SMAGP: variants seen among roughly 807,000 people sequenced by gnomAD.
SMAGP encodes small cell adhesion glycoprotein.
Under a neutral mutation model 10.1 loss-of-function variants are expected in SMAGP, and 7 were observed. The observed-to-expected ratio is 0.70, with a 90% CI of 0.40 to 1.31. The LOEUF is 1.31. Among genes scored for constraint, SMAGP ranks in the 50% most tolerant of loss-of-function variants. The pLI is 0.01. For synonymous variants in SMAGP, 49 were observed against 47.2 expected, an observed-to-expected ratio of 1.04 and a Z score of -0.16; for missense variants, 113 against 116.5, an observed-to-expected ratio of 0.97 and a Z score of 0.14.
intron 2 of SMAGP, among the ~76,000 whole-genome samples, chr12:51,260,364 TTTTTTGTTGTTGTTGTTG>T (rs1944921537): frequency 1.3e-5 from 2 of 150,814 alleles, no homozygotes; most frequent in Non-Finnish European, 3.0e-5. Context: ...GCTGATTGTT[TTTTTTGTTGTTGTTGTTG>T]TTGTTGTTTT....
chr12:51,261,700 A>G (rs1043780151), intron 2 of SMAGP, among the ~76,000 whole-genome samples: 10 of 152,318 alleles, frequency 6.6e-5, no homozygotes, highest in Admixed American at 5.9e-4. Context: ...ATTTTTATAA[A>G]TGGAAAGTGT....
At chr12:51,269,468 A>C (rs1304222627) in intron 1 of SMAGP, 152 bp from the exon 2 acceptor site, 8 of 614,180 alleles carry the variant, frequency 1.3e-5, no homozygotes, top group Non-Finnish European at 2.3e-5. Flanking sequence ...ATATCTCCTC[A>C]GGCTCCAGGT....
At position 51,246,756 on chromosome 12, in the gene SMAGP, A is replaced by G. The variant is rs1021802210; in HGVS notation, c.110T>C (p.Ile37Thr). The G allele has an allele frequency of 7.0e-6, 11 of 1,581,644 alleles. No individual in the cohort carries two copies. The highest frequency in any genetic ancestry group is 2.3e-5 in the East Asian group (1 of 43,506). The change falls in exon 3 of 4, where the codon ATT (isoleucine) becomes ACT (threonine). Residue 37 changes from isoleucine to threonine, a missense_variant. By Grantham distance (89) the Ile-to-Thr change is moderately conservative. Transcript: ENST00000603798. Reference sequence around the variant, plus strand: ...GTTGGCTCAGAGTCTATTACCTGCAATGAGTGCTGTGCTGGCTCCATCTTC... The same window carrying G: ...GTTGGCTCAGAGTCTATTACCTGCAGTGAGTGCTGTGCTGGCTCCATCTTC... ...SPEDGASTAL[I>T]AVVITVVFLT...
At chr12:51,253,885 G>A (rs750805411) in intron 2 of SMAGP, among the ~76,000 whole-genome samples, 8 of 152,114 alleles carry the variant, frequency 5.3e-5, no homozygotes, top group Non-Finnish European at 1.0e-4. Flanking sequence ...CAGCCCAGGC[G>A]AAAGAGCGAG....
chr12:51,246,843 A>G lies in SMAGP; in HGVS notation c.35-12T>C, dbSNP rs1565656129. The G allele has an allele frequency of 6.5e-7, 1 of 1,546,468 alleles. No individual in the cohort carries two copies. The highest frequency in any genetic ancestry group is 1.4e-5 in the African/African-American group (1 of 73,016). On this transcript the variant is annotated splice_polypyrimidine_tract_variant and intron_variant, in intron 2 of 3. Coordinates refer to ENST00000603798, the MANE Select transcript of SMAGP (RefSeq NM_001031628.2). Reference sequence around the variant, plus strand: ...GGTCATCAGTTCTTCTGGAAAATGTAGAAAAGTGGAAAAGGAAATGGAGTG... The same window carrying G: ...GGTCATCAGTTCTTCTGGAAAATGTGGAAAAGTGGAAAAGGAAATGGAGTG...
At chr12:51,259,232 T>C (rs756823788) in intron 2 of SMAGP, among the ~76,000 whole-genome samples, 11 of 152,172 alleles carry the variant, frequency 7.2e-5, no homozygotes, top group Non-Finnish European at 1.5e-4. Context: ...CTGAGCTGAA[T>C]GCCCTTGGGG....
intron 2 of SMAGP, among the ~76,000 whole-genome samples, chr12:51,267,434 C>T (rs1944984212): frequency 6.6e-6 from 1 of 151,918 alleles, no homozygotes; most frequent in African/African-American, 2.4e-5. Context: ...GATCCCCTTC[C>T]TCACCCACCC....
chr12:51,269,386 A>T, intron 1 of SMAGP, 70 bp from the exon 2 acceptor site: 1 of 1,289,232 alleles, frequency 7.8e-7, no homozygotes, highest in Non-Finnish European at 1.1e-6. Context: ...TGGAAGTCCC[A>T]GGAAAGCCTC....
At chr12:51,253,768 T>C (rs768325347) in intron 2 of SMAGP, among the ~76,000 whole-genome samples, 1 of 152,106 alleles carries the variant, frequency 6.6e-6, no homozygotes, top group Non-Finnish European at 1.5e-5. Flanking sequence ...TAGCCGGACG[T>C]GGTGGCAGGT....
intron 2 of SMAGP, among the ~76,000 whole-genome samples, chr12:51,257,504 C>T (rs1944896314): frequency 6.6e-6 from 1 of 151,268 alleles, no homozygotes; most frequent in Admixed American, 6.6e-5. Flanking sequence ...GGGGCCAGGG[C>T]CAGGAGTTCA....
intron 2 of SMAGP, among the ~76,000 whole-genome samples, chr12:51,268,584 T>TCTCCTCCCTCCTCCC (rs1292354849): frequency 4.5e-5 from 1 of 22,206 alleles, no homozygotes; most frequent in African/African-American, 9.3e-5. Context: ...CTTCCTTTCC[T>TCTCCTCCCTCCTCCC]TTCCTCCCTC....
At chr12:51,256,459 C>T (rs897524683) in intron 2 of SMAGP, among the ~76,000 whole-genome samples, 1 of 152,096 alleles carries the variant, frequency 6.6e-6, no homozygotes, top group Admixed American at 6.6e-5. Context: ...CGGTGGCTCA[C>T]GCCAGTAATC....
rs1220318617 is a variant in SMAGP at position 51,253,256 on chromosome 12, C to T, written c.35-6425G>A. On this transcript the variant is annotated intron_variant, in intron 2 of 3. Transcript: ENST00000603798. ...CAGGTTCCTAGACAGGGAAATTAAA[C>T]AGTTAGTTCAACAAGAATTTACTGA... is the stretch of plus-strand genomic sequence containing the variant. Among the ~76,000 whole-genome samples the T allele has an allele frequency of 2.0e-5, 3 of 152,130 alleles. No individual in the cohort carries two copies. The East Asian group carries it at 5.8e-4, about 29-fold the overall frequency.
chr12:51,269,048 C>T (rs1945002638), intron 2 of SMAGP, among the ~76,000 whole-genome samples, 197 bp downstream of exon 2: 1 of 152,098 alleles, frequency 6.6e-6, no homozygotes, highest in African/African-American at 2.4e-5. Flanking sequence ...GTGAAGTCAC[C>T]ATGTCCATGT....
At chr12:51,254,018 G>A (rs1455735710) in intron 2 of SMAGP, among the ~76,000 whole-genome samples, 1 of 152,194 alleles carries the variant, frequency 6.6e-6, no homozygotes, top group African/African-American at 2.4e-5. Flanking sequence ...GCTGGAGAAG[G>A]GGAAAATGGG....
chr12:51,264,814 C>T (rs1450149907), intron 2 of SMAGP, among the ~76,000 whole-genome samples: 1 of 151,182 alleles, frequency 6.6e-6, no homozygotes, highest in East Asian at 1.9e-4. Flanking sequence ...TGCCTGTAAT[C>T]CCAGCTACTC....
intron 2 of SMAGP, among the ~76,000 whole-genome samples, chr12:51,258,452 T>A (rs181674951): frequency 1.6e-3 from 234 of 150,398 alleles, no homozygotes; most frequent in African/African-American, 5.5e-3. Context: ...TAGCTGGGCA[T>A]GGTGGTGGGC....
chr12:51,246,763 C>G lies in SMAGP; in HGVS notation c.103G>C (p.Ala35Pro). 6.3e-7 allele frequency: 1 copy of G among 1,585,658 alleles called. No homozygotes were observed. Among genetic ancestry groups the G allele is most frequent in the Non-Finnish European group, 8.6e-7 (1 of 1,166,212 alleles). ...CAGAGTCTATTACCTGCAATGAGTG[C>G]TGTGCTGGCTCCATCTTCTGGGGAC... ...ALSPEDGAST[A>P]LIAVVITVVF... is the part of the protein sequence containing the mutation. The change falls in exon 3 of 4, where the codon GCA becomes CCA. Residue 35 changes from alanine to proline, a missense_variant. Ala to Pro is a conservative substitution (Grantham distance 27). Transcript: ENST00000603798.
At chr12:51,259,209 C>T (rs74594879) in intron 2 of SMAGP, among the ~76,000 whole-genome samples, 1,773 of 152,158 alleles carry the variant, frequency 0.012, 49 homozygotes, top group East Asian at 0.11. Context: ...TTTATTGGTG[C>T]CTTCTACAAA....
Sources: allele counts gnomAD v4.1 joint callset (sites outside exome capture counted in the v4.1 genomes callset), GRCh38; gene constraint gnomAD v4.1.1; transcripts MANE v1.5; gene names NCBI Gene and HGNC (gene_info 2026-07-23, HGNC 2026-07-21).